The following CCDC77 variants were observed in gnomAD, a reference collection of about 807,000 sequenced individuals.
The protein encoded by CCDC77 is coiled-coil domain containing 77.
In CCDC77, 56 loss-of-function variants were observed where a neutral mutation model predicts 66.8. The ratio of observed to expected loss-of-function variants is 0.84; its 90% confidence interval spans 0.68 to 1.05. The LOEUF is 1.05. CCDC77 is among the 50% of genes least tolerant of loss of function. CCDC77 has a pLI of 0.00. For synonymous variants in CCDC77, 196 were observed against 195.2 expected, an observed-to-expected ratio of 1.00 and a Z score of -0.03; for missense variants, 570 against 576.8, an observed-to-expected ratio of 0.99 and a Z score of 0.12.
At chr12:411,303 A>C (rs1945104682) in intron 3 of CCDC77, among the ~76,000 whole-genome samples, 1 of 151,804 alleles carries the variant, frequency 6.6e-6, no homozygotes, top group Admixed American at 6.6e-5. Context: ...CCTCCCGAGT[A>C]GCTGGAACTA....
chr12:433,605 A>C (rs1591991121), intron 9 of CCDC77: 1 of 423,332 alleles, frequency 2.4e-6, no homozygotes, highest in East Asian at 6.9e-5. Flanking sequence ...GCAGTGGCTC[A>C]CGCCTGTAAT....
At chr12:427,432 T>C (rs746952842) in intron 5 of CCDC77, among the ~76,000 whole-genome samples, 24 of 151,832 alleles carry the variant, frequency 1.6e-4, no homozygotes, top group Non-Finnish European at 2.9e-5. Context: ...CCATATCAAG[T>C]CGCTCTGAAA....
At chr12:416,582 T>C (rs965117813) in intron 4 of CCDC77, among the ~76,000 whole-genome samples, 10 of 150,386 alleles carry the variant, frequency 6.6e-5, no homozygotes, top group African/African-American at 2.4e-4. Context: ...CTCAGCTGAT[T>C]TTTGTTTTTT....
rs558221444 is a variant in CCDC77, at chr12:412,509, G to C, written c.270+531G>C. 6.6e-5 allele frequency among the ~76,000 whole-genome samples: 10 copies of C among 152,304 alleles called. No homozygotes were observed. In the East Asian group the frequency reaches 1.9e-3, roughly 29 times the overall value. ...GACATTTTGGCCTGGATGATTCTTT[G>C]TTGTGAGGGGTTGTCCTGTGCGTGA... is the stretch of plus-strand genomic sequence containing the variant. On this transcript the variant is annotated intron_variant, in intron 4 of 12. Coordinates refer to ENST00000239830, the MANE Select transcript of CCDC77 (RefSeq NM_032358.4).
At chr12:429,528 C>T (rs1016521994) in intron 6 of CCDC77, among the ~76,000 whole-genome samples, 2 of 150,578 alleles carry the variant, frequency 1.3e-5, no homozygotes, top group African/African-American at 4.9e-5. Flanking sequence ...TGCGCAATCT[C>T]GGCTCACTGC....
rs149074897 is a variant in CCDC77, at chr12:395,715, G to A, written c.-113+6229G>A. On this transcript the variant is annotated intron_variant, in intron 1 of 11. Coordinates refer to the CCDC77 transcript ENST00000422000. Reference sequence around the variant, plus strand: ...TCGACACCAGAGTGGCCAACATGGCGAAGCCCCATCTCTACTAAAAATACA... The same window carrying A: ...TCGACACCAGAGTGGCCAACATGGCAAAGCCCCATCTCTACTAAAAATACA... 2.8e-3 allele frequency among the ~76,000 whole-genome samples: 430 copies of A among 152,180 alleles called. 13 individuals are homozygous for A. In the East Asian group the frequency reaches 0.065, roughly 23 times the overall value.
intron 5 of CCDC77, among the ~76,000 whole-genome samples, chr12:423,494 G>GTTTTTTTTTT (rs56233976): frequency 5.6e-5 from 2 of 35,414 alleles, no homozygotes; most frequent in Non-Finnish European, 1.0e-4. Flanking sequence ...TTTTTGTTTT[G>GTTTTTTTTTT]TTTTTTTTTT....
intron 9 of CCDC77, among the ~76,000 whole-genome samples, chr12:435,397 C>T (rs983489259): frequency 5.9e-5 from 9 of 152,150 alleles, no homozygotes; most frequent in Non-Finnish European, 1.0e-4. Context: ...ACATGTATTC[C>T]GTTTCCCAAG....
At chr12:410,693 G>A (rs368655233) in intron 3 of CCDC77, among the ~76,000 whole-genome samples, 1 of 151,406 alleles carries the variant, frequency 6.6e-6, no homozygotes, top group African/African-American at 2.4e-5. Context: ...TTACACACGC[G>A]TGCCACCAGG....
At chr12:402,525 AG>A (rs921860158) in intron 1 of CCDC77, among the ~76,000 whole-genome samples, 6 of 152,216 alleles carry the variant, frequency 3.9e-5, no homozygotes, top group African/African-American at 1.4e-4. Flanking sequence ...TCATGAACAA[AG>A]GTATGGAGGC....
intron 5 of CCDC77, among the ~76,000 whole-genome samples, chr12:419,651 CTG>C (rs72187328): frequency 2.1e-5 from 1 of 48,290 alleles, no homozygotes; most frequent in Non-Finnish European, 5.1e-5. Flanking sequence ...CAGTGCTCTT[CTG>C]TGTGTGTGTG....
intron 5 of CCDC77, among the ~76,000 whole-genome samples, chr12:424,390 G>A (rs527502322): frequency 2.0e-5 from 3 of 149,826 alleles, no homozygotes; most frequent in Non-Finnish European, 4.4e-5. Flanking sequence ...TTTTTTAGGG[G>A]CAGGGTATCA....
chr12:434,247 G>A (rs1945705953), intron 9 of CCDC77, among the ~76,000 whole-genome samples: 1 of 151,742 alleles, frequency 6.6e-6, no homozygotes, highest in South Asian at 2.1e-4. Flanking sequence ...TTCCTAACCT[G>A]CTTACCTTTC....
chr12:411,435 C>T (rs1311354515), intron 3 of CCDC77, among the ~76,000 whole-genome samples: 2 of 152,026 alleles, frequency 1.3e-5, no homozygotes, highest in Non-Finnish European at 2.9e-5. Context: ...CTGCTTTGGC[C>T]TCCCAAAGTG....
intron 5 of CCDC77, among the ~76,000 whole-genome samples, chr12:423,789 G>A (rs1945481191): frequency 6.6e-6 from 1 of 152,044 alleles, no homozygotes; most frequent in East Asian, 1.9e-4. Flanking sequence ...GAGCCACTGT[G>A]CCCAGCCTTA....
At chr12:424,123 A>G (rs1054962896) in intron 5 of CCDC77, among the ~76,000 whole-genome samples, 1 of 151,920 alleles carries the variant, frequency 6.6e-6, no homozygotes, top group Non-Finnish European at 1.5e-5. Flanking sequence ...GGCATGTGCC[A>G]CTACACCTGG....
At chr12:403,429 G>A (rs1944933368) in intron 1 of CCDC77, among the ~76,000 whole-genome samples, 1 of 152,198 alleles carries the variant, frequency 6.6e-6, no homozygotes, top group African/African-American at 2.4e-5. Flanking sequence ...ATAAGAGGCA[G>A]GGCTTTGACT....
At chr12:399,547 G>A (rs544965917), upstream of CCDC77, among the ~76,000 whole-genome samples, 1 of 152,292 alleles carries the variant, frequency 6.6e-6, no homozygotes, top group South Asian at 2.1e-4. Flanking sequence ...TGTTGTGTTT[G>A]CAAGCATGAA....
chr12:424,672 A>G (rs1945495154), intron 5 of CCDC77, among the ~76,000 whole-genome samples: 1 of 151,728 alleles, frequency 6.6e-6, no homozygotes, highest in Non-Finnish European at 1.5e-5. Context: ...GTATTTTTTT[A>G]TTTTGTTGCT....
Sources: allele counts gnomAD v4.1 joint callset (sites outside exome capture counted in the v4.1 genomes callset), GRCh38; gene constraint gnomAD v4.1.1; transcripts MANE v1.5; gene names NCBI Gene and HGNC (gene_info 2026-07-23, HGNC 2026-07-21).